Variants in DLGAP1 observed in about 807,000 individuals in gnomAD.
DLGAP1 encodes the protein DLG associated protein 1, also known as disks large-associated protein 1.
In DLGAP1, 11 loss-of-function variants were observed where a neutral mutation model predicts 90.8. That is an observed-to-expected ratio of 0.12 (90% CI 0.08 to 0.20). The LOEUF (loss-of-function observed/expected upper bound fraction) is 0.20. Ranked by LOEUF, DLGAP1 falls within the 10% of genes least tolerant of loss-of-function variation. DLGAP1 has a pLI of 1.00. For missense variants in DLGAP1, 1,050 were observed against 1,333.8 expected (o/e 0.79, Z 3.31); for synonymous variants, 558 against 540.7 (o/e 1.03, Z -0.44).
intron 5 of DLGAP1, among the ~76,000 whole-genome samples, chr18:3,799,138 G>C (rs2066162024): frequency 6.6e-6 from 1 of 152,160 alleles, no homozygotes; most frequent in Non-Finnish European, 1.5e-5. Context: ...GCTTCCTAAA[G>C]AGATTACAGG....
chr18:3,693,583 A>G (rs1372045058), intron 7 of DLGAP1, among the ~76,000 whole-genome samples: 1 of 152,250 alleles, frequency 6.6e-6, no homozygotes, highest in Admixed American at 6.5e-5. Flanking sequence ...GCTGAAGATG[A>G]TTAAAAAGAA....
At chr18:3,982,368 T>C (rs987717661) in intron 3 of DLGAP1, among the ~76,000 whole-genome samples, 3 of 132,088 alleles carry the variant, frequency 2.3e-5, no homozygotes, top group Non-Finnish European at 5.0e-5. Flanking sequence ...CAGATCACCT[T>C]TGACTCAATA....
At chr18:3,550,734 C>CCTT (rs2053345624) in intron 9 of DLGAP1, among the ~76,000 whole-genome samples, 1 of 85,204 alleles carries the variant, frequency 1.2e-5, no homozygotes, top group African/African-American at 4.1e-5. Context: ...GAACCAGACC[C>CCTT]TTTTTTTTTT....
intron 5 of DLGAP1, among the ~76,000 whole-genome samples, chr18:3,764,034 T>C (rs1353760454): frequency 2.0e-5 from 3 of 152,174 alleles, no homozygotes; most frequent in Non-Finnish European, 1.5e-5. Context: ...GCTAATGTGA[T>C]GAGAAAAGCA....
chr18:3,795,022 T>C (rs2065917441), intron 5 of DLGAP1, among the ~76,000 whole-genome samples: 1 of 152,242 alleles, frequency 6.6e-6, no homozygotes, highest in African/African-American at 2.4e-5. Context: ...TGAATACTTA[T>C]TTATTGGTCA....
intron 1 of DLGAP1, among the ~76,000 whole-genome samples, chr18:4,274,436 T>C (rs934246749): frequency 1.3e-5 from 2 of 152,154 alleles, no homozygotes; most frequent in Admixed American, 6.5e-5. Flanking sequence ...TAGTATATGG[T>C]CCATTCTGGA....
intron 3 of DLGAP1, among the ~76,000 whole-genome samples, chr18:3,927,961 A>G (rs1177292095): frequency 6.6e-6 from 1 of 152,170 alleles, no homozygotes; most frequent in East Asian, 1.9e-4. Context: ...TGATATGCAT[A>G]CCAGTCATGT....
At chr18:4,228,032 C>G (rs1444572798) in intron 1 of DLGAP1, among the ~76,000 whole-genome samples, 1 of 151,452 alleles carries the variant, frequency 6.6e-6, no homozygotes. Flanking sequence ...CAACCCAATA[C>G]CACTGAAATT....
chr18:4,432,580 AC>A (rs1237948107), intron 1 of DLGAP1, among the ~76,000 whole-genome samples: 12 of 113,106 alleles, frequency 1.1e-4, no homozygotes, highest in African/African-American at 4.0e-4. Context: ...CACATCCATC[AC>A]CTCACATAGT....
At chr18:3,647,209 GTGCCAT>G (rs1441884869) in intron 7 of DLGAP1, among the ~76,000 whole-genome samples, 57 of 151,946 alleles carry the variant, frequency 3.8e-4, no homozygotes, top group African/African-American at 1.3e-3. Flanking sequence ...AGCTGAGATT[GTGCCAT>G]TGCACTCCAG....
intron 2 of DLGAP1, among the ~76,000 whole-genome samples, chr18:4,105,905 A>G (rs4798171): frequency 0.4 from 61,208 of 151,158 alleles, 12,829 homozygotes; most frequent in African/African-American, 0.51. Context: ...GGTGGCGGGC[A>G]CCTGTAGTCC....
chr18:4,027,818 G>C (rs1197823440), intron 2 of DLGAP1, among the ~76,000 whole-genome samples: 1 of 152,154 alleles, frequency 6.6e-6, no homozygotes, highest in Non-Finnish European at 1.5e-5. Context: ...CAGATAATTT[G>C]CTTTCCAGCT....
At chr18:3,536,933 A>G (rs1253453485) in intron 9 of DLGAP1, among the ~76,000 whole-genome samples, 1 of 152,198 alleles carries the variant, frequency 6.6e-6, no homozygotes, top group East Asian at 1.9e-4. Context: ...TTTAAGACAT[A>G]CAAAAAGAGC....
intron 3 of DLGAP1, among the ~76,000 whole-genome samples, chr18:3,925,770 A>G (rs1384016888): frequency 6.6e-6 from 1 of 152,246 alleles, no homozygotes; most frequent in Non-Finnish European, 1.5e-5. Flanking sequence ...GAAAGAACTC[A>G]AAACAACCCA....
In DLGAP1 at chr18:4,390,200, CT is replaced by C. The variant is rs375240758; in HGVS notation, c.-267+64805del. ...AAAGATGTATTCCTCCCCCTTTTTTCTTAATTAATAAATCTTATGTTTTTAT... is the reference window on the plus strand; with the variant it reads ...AAAGATGTATTCCTCCCCCTTTTTTCTAATTAATAAATCTTATGTTTTTAT... On this transcript the variant is annotated intron_variant, in intron 1 of 12. Coordinates refer to ENST00000315677, the MANE Select transcript of DLGAP1 (RefSeq NM_004746.4). 9.9e-4 allele frequency among the ~76,000 whole-genome samples: 148 copies of C among 149,786 alleles called. 2 individuals are homozygous for C. Among genetic ancestry groups the C allele is most frequent in the South Asian group, 1.9e-3 (9 of 4,742 alleles).
intron 1 of DLGAP1, among the ~76,000 whole-genome samples, chr18:4,343,171 G>T (rs1192602552): frequency 1.3e-5 from 2 of 152,016 alleles, no homozygotes; most frequent in Non-Finnish European, 2.9e-5. Context: ...GCCGGGCGTG[G>T]TGGCAGGCGC....
At chr18:4,057,000 TACATACACACACACACACAC>T (rs1169257722) in intron 2 of DLGAP1, among the ~76,000 whole-genome samples, 1 of 94,904 alleles carries the variant, frequency 1.1e-5, no homozygotes, top group African/African-American at 4.0e-5. Context: ...CAACTGACCA[TACATACACACACACACACAC>T]ACACACACAC....
At chr18:3,527,814 G>A (rs1451084252) in intron 10 of DLGAP1, among the ~76,000 whole-genome samples, 2 of 151,920 alleles carry the variant, frequency 1.3e-5, no homozygotes, top group African/African-American at 4.8e-5. Flanking sequence ...GCCAATCTTG[G>A]ACTCCTGGGC....
At chr18:3,903,438 G>C (rs1772167627) in intron 3 of DLGAP1, among the ~76,000 whole-genome samples, 1 of 152,198 alleles carries the variant, frequency 6.6e-6, no homozygotes, top group Admixed American at 6.5e-5. Flanking sequence ...GGAAAATTGA[G>C]ATAACATTAC....
Sources: allele counts gnomAD v4.1 joint callset (sites outside exome capture counted in the v4.1 genomes callset), GRCh38; gene constraint gnomAD v4.1.1; transcripts MANE v1.5; gene names NCBI Gene and HGNC (gene_info 2026-07-23, HGNC 2026-07-21).